SMC5: variants seen among roughly 807,000 people sequenced by gnomAD.
SMC5 encodes structural maintenance of chromosomes 5.
SMC5 carries 88 observed loss-of-function variants against 148.3 expected under a neutral mutation model. That is an observed-to-expected ratio of 0.59 (90% CI 0.50 to 0.71). SMC5 has a LOEUF of 0.71. Among genes scored for constraint, SMC5 ranks in the 30% least tolerant of loss-of-function variants. The pLI, the probability that SMC5 is intolerant of heterozygous loss-of-function variation, is 0.00. For synonymous variants in SMC5, 421 were observed against 432.8 expected, an observed-to-expected ratio of 0.97 and a Z score of 0.34; for missense variants, 1,142 against 1,298.9, an observed-to-expected ratio of 0.88 and a Z score of 1.86.
At chr9:70,268,125 A>G (rs1454123529) in intron 3 of SMC5, 150 bp downstream of exon 3, 7 of 630,396 alleles carry the variant, frequency 1.1e-5, no homozygotes, top group Non-Finnish European at 1.8e-5. Flanking sequence ...CAGATAAGTA[A>G]GGGGTTTAAA....
chr9:70,280,745 T>C lies in SMC5; in HGVS notation c.679-14T>C, dbSNP rs2034728168. The C allele has an allele frequency of 6.3e-7, 1 of 1,599,914 alleles. No individual in the cohort carries two copies. Among genetic ancestry groups the C allele is most frequent in the African/African-American group, 1.3e-5 (1 of 74,084 alleles). ...TTTCTGTCAAACTGATTGTTCAACA[T>C]ATATTTATTGTAGACCTCATGCAAA... On this transcript the variant is annotated splice_polypyrimidine_tract_variant and intron_variant, in intron 5 of 24. Transcript: ENST00000361138.
rs577175552 is a variant in SMC5 at position 70,340,846 on chromosome 9, G to A, written c.2398-3298G>A. 2.0e-5 allele frequency among the ~76,000 whole-genome samples: 3 copies of A among 152,068 alleles called. No individual in the cohort carries two copies. In the East Asian group the frequency reaches 5.8e-4, roughly 29 times the overall value. ...TTTCTGTACAATTTCCATGAGAAGT[G>A]AACTTTCCATAAAAAGAATTTTAGA... On this transcript the variant is annotated intron_variant, in intron 17 of 24. Coordinates refer to ENST00000361138, the MANE Select transcript of SMC5 (RefSeq NM_015110.4).
chr9:70,281,331 C>T (rs763081931), intron 6 of SMC5, among the ~76,000 whole-genome samples: 7 of 152,106 alleles, frequency 4.6e-5, no homozygotes, highest in South Asian at 2.1e-4. Context: ...TGAGCCACCG[C>T]GCCAGGCTTT....
At chr9:70,301,929 A>G (rs1184247810) in intron 10 of SMC5, among the ~76,000 whole-genome samples, 1 of 152,234 alleles carries the variant, frequency 6.6e-6, no homozygotes, top group African/African-American at 2.4e-5. Context: ...TGCGTCTCCT[A>G]TATCTACCTA....
At chr9:70,295,851 A>T (rs1252260458) in intron 8 of SMC5, among the ~76,000 whole-genome samples, 3 of 152,086 alleles carry the variant, frequency 2.0e-5, no homozygotes, top group Non-Finnish European at 4.4e-5. Flanking sequence ...GTGAATCTTA[A>T]TTCTGTATCG....
intron 10 of SMC5, among the ~76,000 whole-genome samples, chr9:70,301,026 A>T (rs2035344309): frequency 6.6e-6 from 1 of 151,984 alleles, no homozygotes; most frequent in African/African-American, 2.4e-5. Context: ...TCAATTTTTT[A>T]CCATATCTTA....
intron 16 of SMC5, 68 bp from the exon 17 acceptor site, chr9:70,323,953 A>C (rs2036012250): frequency 7.4e-7 from 1 of 1,352,522 alleles, no homozygotes; most frequent in East Asian, 2.5e-5. Context: ...GTTTTAAAAA[A>C]CTATACATTT....
chr9:70,344,237 G>T lies in SMC5; in HGVS notation c.2491G>T (p.Ala831Ser), dbSNP rs1353584580. 8 of 1,525,590 alleles carry T rather than the reference G, an allele frequency of 5.2e-6. No individual in the cohort carries two copies. The highest frequency in any genetic ancestry group is 7.1e-6 in the Non-Finnish European group (8 of 1,133,574). The allele number at this position is 1,525,590 out of a possible 1,614,324, so 94.5% of individuals were successfully genotyped here. ...AGCTAGGCAAGTATGTAACCTGGGT[G>T]CAGAGCAGACTCTTCCTCAAGAATA... is the stretch of plus-strand genomic sequence containing the variant. ...KRARQVCNLGAEQTLPQEYQT... is the reference protein window; with the variant it reads ...KRARQVCNLGSEQTLPQEYQT... Residue 831 changes from alanine (A) to serine (S), a missense_variant, in exon 18 of 25, where the codon GCA becomes TCA. Around this residue, in one of 5 missense-constraint regions of SMC5, gnomAD observed 743 missense variants for 835.7 expected, o/e 0.89. Coordinates refer to ENST00000361138, the MANE Select transcript of SMC5 (RefSeq NM_015110.4).
At chr9:70,310,529 A>C (rs2035629099) in intron 11 of SMC5, among the ~76,000 whole-genome samples, 2 of 152,214 alleles carry the variant, frequency 1.3e-5, no homozygotes, top group Admixed American at 6.5e-5. Context: ...GGCAGAGTAG[A>C]TTTAGCATAA....
At chr9:70,276,447 A>G (rs2034594242) in intron 3 of SMC5, among the ~76,000 whole-genome samples, 1 of 152,186 alleles carries the variant, frequency 6.6e-6, no homozygotes, top group Admixed American at 6.5e-5. Context: ...ATATTTTATT[A>G]TTTTTAGTTG....
In SMC5 at chr9:70,309,318, C is replaced by CTTTTTTTTTTTTTTTTTT. The variant is rs59694037; in HGVS notation, c.1578+3972_1578+3989dup. 1.9e-4 allele frequency among the ~76,000 whole-genome samples: 15 copies of CTTTTTTTTTTTTTTTTTT among 79,158 alleles called. 1 individual carries two copies. Among genetic ancestry groups the CTTTTTTTTTTTTTTTTTT allele is most frequent in the Admixed American group, 4.4e-4 (2 of 4,528 alleles). The allele number at this position is 79,158 out of a possible 152,430, so 51.9% of individuals were successfully genotyped here. Reference sequence around the variant, plus strand: ...ATAGCAGAATTTCTTTTTCCTTTTCCTTTTTTTTTTTTTTTTTTTTTTTTT... The same window carrying CTTTTTTTTTTTTTTTTTT: ...ATAGCAGAATTTCTTTTTCCTTTTCCTTTTTTTTTTTTTTTTTTTTTTTTTTTTTTTTTTTTTTTTTTT... On this transcript the variant is annotated intron_variant, in intron 11 of 24. Coordinates refer to ENST00000361138, the MANE Select transcript of SMC5 (RefSeq NM_015110.4).
In SMC5 at chr9:70,259,000, C is replaced by G. The variant is rs2034002019; in HGVS notation, c.-79C>G. 6.9e-7 allele frequency: 1 copy of G among 1,458,282 alleles called. No homozygotes were observed. Among genetic ancestry groups the G allele is most frequent in the Admixed American group, 2.7e-5 (1 of 37,436 alleles). 90.3% of individuals were successfully genotyped at this position (1,458,282 alleles called of 1,614,324 possible). A position where few individuals can be genotyped will look rare whatever the true frequency, so the allele number is the denominator to read the frequency against. ...GGCAGTTCGCGCGGGAGCGGGGCGC[C>G]TGGGTGGATGGGCGCTTGGGCGCCT... On this transcript the variant is annotated 5_prime_UTR_variant, in exon 1 of 25. Transcript: ENST00000361138.
In SMC5 at chr9:70,352,152, G is replaced by C. The variant is rs372466572; in HGVS notation, c.3166-39G>C. On this transcript the variant is annotated intron_variant, in intron 24 of 24. Transcript: ENST00000361138. ...TAAGGTTGGAAAACTATACTTCTCA[G>C]TATATAGCTTATATGACAATTTGTT... The C allele has an allele frequency of 3.1e-5, 48 of 1,553,348 alleles. 1 individual carries two copies. Among genetic ancestry groups the C allele is most frequent in the Non-Finnish European group, 4.1e-5 (47 of 1,138,486 alleles).
intron 7 of SMC5, among the ~76,000 whole-genome samples, chr9:70,283,898 G>A (rs2034825590): frequency 6.6e-6 from 1 of 152,010 alleles, no homozygotes; most frequent in African/African-American, 2.4e-5. Flanking sequence ...ATTTAAGATT[G>A]CCATTTATAC....
At chr9:70,283,258 G>T (rs549971215) in intron 7 of SMC5, among the ~76,000 whole-genome samples, 2 of 152,210 alleles carry the variant, frequency 1.3e-5, no homozygotes, top group South Asian at 2.1e-4. Flanking sequence ...GAGCTCAGGA[G>T]TTCAAGACCA....
intron 8 of SMC5, among the ~76,000 whole-genome samples, chr9:70,291,510 T>C (rs1489712989): frequency 1.3e-5 from 2 of 152,210 alleles, no homozygotes; most frequent in African/African-American, 4.8e-5. Flanking sequence ...GTCCTGCTAA[T>C]GCACATGACC....
intron 17 of SMC5, among the ~76,000 whole-genome samples, chr9:70,332,523 CAAAAAAA>C (rs57524323): frequency 1.9e-5 from 2 of 104,208 alleles, no homozygotes; most frequent in Non-Finnish European, 2.0e-5. Context: ...GACCCTGTCT[CAAAAAAA>C]AAAAAAAAAA....
chr9:70,278,447 T>C (rs974134641), intron 4 of SMC5, 44 bp from the exon 5 acceptor site: 4 of 1,580,738 alleles, frequency 2.5e-6, no homozygotes, highest in Non-Finnish European at 3.4e-6. Flanking sequence ...TGAAGATATA[T>C]GTAAATGAAT....
At chr9:70,288,541 A>G (rs1484540370) in intron 8 of SMC5, among the ~76,000 whole-genome samples, 1 of 151,978 alleles carries the variant, frequency 6.6e-6, no homozygotes, top group Non-Finnish European at 1.5e-5. Context: ...TGAATTGTAA[A>G]AAGTGTGTTT....
Sources: allele counts gnomAD v4.1 joint callset (sites outside exome capture counted in the v4.1 genomes callset), GRCh38; gene constraint gnomAD v4.1.1; regional missense constraint gnomAD v4.1.1; transcripts MANE v1.5; gene names NCBI Gene and HGNC (gene_info 2026-07-23, HGNC 2026-07-21).